COL28A1: variants seen among roughly 807,000 people sequenced by gnomAD.
The protein encoded by COL28A1 is collagen type XXVIII alpha 1 chain.
A neutral mutation model predicts 150.2 loss-of-function variants in COL28A1; 161 were observed. The observed-to-expected ratio is 1.07, with a 90% confidence interval of 0.94 to 1.22. The LOEUF is 1.22. Ranked by LOEUF, COL28A1 falls within the 50% of genes most tolerant of loss-of-function variation. COL28A1 has a pLI of 0.00. For missense variants in COL28A1, 1,617 were observed against 1,388.3 expected, an observed-to-expected ratio of 1.16 and a Z score of -2.62; for synonymous variants, 552 against 469.7, an observed-to-expected ratio of 1.18 and a Z score of -2.26.
rs193168045 is a variant in COL28A1 at position 7,403,396 on chromosome 7, G to A, written c.2136+14463C>T. Among the ~76,000 whole-genome samples the A allele has an allele frequency of 1.1e-3, 165 of 152,198 alleles. 1 individual carries two copies. The highest frequency in any genetic ancestry group is 3.8e-3 in the African/African-American group (158 of 41,506). ...CATAAACTTAAAGAGGCTTCTCAAC[G>A]CCTCTTTTGACTTGTTTTCTTGATA... On this transcript the variant is annotated intron_variant, in intron 27 of 34. Transcript: ENST00000399429.
At chr7:7,485,663 GTTAA>G (rs1383188521) in intron 13 of COL28A1, among the ~76,000 whole-genome samples, 1 of 152,056 alleles carries the variant, frequency 6.6e-6, no homozygotes. Flanking sequence ...TTAAATTGAG[GTTAA>G]TTTTTTGTGT....
chr7:7,397,689 T>A lies in COL28A1; in HGVS notation c.2137-16077A>T, dbSNP rs73674522. Among the ~76,000 whole-genome samples the A allele has an allele frequency of 2.8e-3, 429 of 152,328 alleles. 3 individuals are homozygous for A. Among genetic ancestry groups the A allele is most frequent in the African/African-American group, 9.9e-3 (413 of 41,556 alleles). On this transcript the variant is annotated intron_variant, in intron 27 of 34. Transcript: ENST00000399429. ...TGAGCTTCAACTATTGCTATCTGGA[T>A]TTGCTCCATAGGGATAAGTAAAACA...
chr7:7,386,902 C>T (rs952279883), intron 27 of COL28A1, among the ~76,000 whole-genome samples: 2 of 152,162 alleles, frequency 1.3e-5, no homozygotes, highest in Non-Finnish European at 2.9e-5. Context: ...AGCCCACGAT[C>T]AAGGAATTGG....
chr7:7,342,469 T>C, the COL28A1 span, among the ~76,000 whole-genome samples: 4 of 152,122 alleles, frequency 2.6e-5, no homozygotes, highest in Non-Finnish European at 5.9e-5. Context: ...CAACATTTTG[T>C]GTTGGGCTTT....
chr7:7,398,107 CAG>C (rs1222568148), intron 27 of COL28A1, among the ~76,000 whole-genome samples: 1 of 152,114 alleles, frequency 6.6e-6, no homozygotes, highest in Non-Finnish European at 1.5e-5. Flanking sequence ...TAGCTGAACA[CAG>C]GGTAGAAATT....
intron 27 of COL28A1, among the ~76,000 whole-genome samples, chr7:7,387,340 T>C (rs1002213545): frequency 2.0e-5 from 3 of 152,124 alleles, no homozygotes; most frequent in African/African-American, 7.2e-5. Context: ...TTACTGCATA[T>C]AAATAATCCT....
At chr7:7,398,127 AT>A (rs1375712911) in intron 27 of COL28A1, among the ~76,000 whole-genome samples, 2 of 152,328 alleles carry the variant, frequency 1.3e-5, no homozygotes, top group African/African-American at 4.8e-5. Context: ...ATTTGTTTTA[AT>A]TGAAACATGC....
intron 13 of COL28A1, among the ~76,000 whole-genome samples, chr7:7,486,027 C>A (rs1779607208): frequency 6.6e-6 from 1 of 152,122 alleles, no homozygotes; most frequent in African/African-American, 2.4e-5. Flanking sequence ...TTGCACTAAA[C>A]TTTTACATCA....
downstream of COL28A1, chr7:7,356,608 C>T (rs925584683): frequency 6.6e-6 from 1 of 152,092 alleles, no homozygotes; most frequent in Non-Finnish European, 1.5e-5. Flanking sequence ...AAACCAAACA[C>T]CGCATGTTCT....
the COL28A1 span, among the ~76,000 whole-genome samples, chr7:7,344,715 C>A: frequency 1.3e-5 from 2 of 151,920 alleles, no homozygotes; most frequent in Admixed American, 1.3e-4. Context: ...AGGGATGAGG[C>A]TAAACATCCT....
intron 27 of COL28A1, among the ~76,000 whole-genome samples, chr7:7,413,530 G>A (rs1429325390): frequency 6.6e-6 from 1 of 152,164 alleles, no homozygotes. Flanking sequence ...CCTGAGCAGA[G>A]GGGATATGTG....
chr7:7,437,260 G>C, intron 22 of COL28A1, 134 bp downstream of exon 22: 1 of 1,371,004 alleles, frequency 7.3e-7, no homozygotes, highest in South Asian at 1.8e-5. Context: ...GCTTATCTGT[G>C]AAGTTTCAGA....
intron 26 of COL28A1, 147 bp downstream of exon 26, chr7:7,419,738 A>C: frequency 4.5e-6 from 2 of 443,868 alleles, no homozygotes; most frequent in Non-Finnish European, 8.1e-6. Context: ...CTGAACGTTC[A>C]CCTGATATGA....
intron 25 of COL28A1, among the ~76,000 whole-genome samples, chr7:7,430,912 G>A (rs1315903763): frequency 2.0e-5 from 3 of 152,132 alleles, no homozygotes; most frequent in Non-Finnish European, 1.5e-5. Flanking sequence ...GAAGCACCTC[G>A]GGTTTGTCCT....
Position 7,453,512 on chromosome 7 carries a change from T to C in COL28A1, c.1372-4A>G, listed in dbSNP as rs1285579851. 1 of 1,042,944 alleles carries C rather than the reference T, an allele frequency of 9.6e-7. No individual in the cohort carries two copies. The highest frequency in any genetic ancestry group is 1.6e-5 in the African/African-American group (1 of 63,198). The allele number at this position is 1,042,944 out of a possible 1,614,324, so 64.6% of individuals were successfully genotyped here. On this transcript the variant is annotated splice_polypyrimidine_tract_variant and splice_region_variant and intron_variant, in intron 16 of 34. Transcript: ENST00000399429. ...GACCAATAGGACCTTGGATTCCCTT[T>C]AAAATAAAATTTTATAAAATAGTGT... is the stretch of plus-strand genomic sequence containing the variant.
At chr7:7,379,995 G>A (rs918861953) in intron 30 of COL28A1, among the ~76,000 whole-genome samples, 1 of 152,096 alleles carries the variant, frequency 6.6e-6, no homozygotes, top group African/African-American at 2.4e-5. Context: ...CATCGAATCA[G>A]CCCCGCTAGA....
intron 1 of COL28A1, among the ~76,000 whole-genome samples, chr7:7,533,593 A>G (rs1583591057): frequency 6.6e-6 from 1 of 152,192 alleles, no homozygotes; most frequent in Non-Finnish European, 1.5e-5. Context: ...CTCTTCTTCC[A>G]GTGATGGCTA....
chr7:7,340,008 T>A, the COL28A1 span, among the ~76,000 whole-genome samples: 1 of 152,250 alleles, frequency 6.6e-6, no homozygotes, highest in South Asian at 2.1e-4. Flanking sequence ...TTGTTTTCAT[T>A]GAGACAAGGT....
chr7:7,340,266 T>A, the COL28A1 span, among the ~76,000 whole-genome samples: 1 of 152,138 alleles, frequency 6.6e-6, no homozygotes, highest in African/African-American at 2.4e-5. Context: ...TCCATCCCAA[T>A]ATTTTTGAAA....
Sources: gnomAD v4.1 joint callset for allele counts (sites outside exome capture counted in the v4.1 genomes callset) on GRCh38, gnomAD v4.1.1 for gene constraint, MANE v1.5 for transcripts, NCBI Gene and HGNC (gene_info 2026-07-23, HGNC 2026-07-21) for gene names.